The following TIMP3 variants were observed in gnomAD, a reference collection of about 807,000 sequenced individuals.
The protein encoded by TIMP3 is TIMP metallopeptidase inhibitor 3.
In TIMP3, 11 loss-of-function variants were observed where a neutral mutation model predicts 30.0. The observed-to-expected ratio is 0.37, with a 90% CI of 0.23 to 0.61. The LOEUF (loss-of-function observed/expected upper bound fraction) is 0.61, where lower values mean the gene tolerates loss of function less well. Ranked by LOEUF, TIMP3 falls within the 20% of genes least tolerant of loss-of-function variation. The pLI, the probability that TIMP3 is intolerant of heterozygous loss-of-function variation, is 0.70. For synonymous variants in TIMP3, 112 were observed against 111.3 expected, an observed-to-expected ratio of 1.01 and a Z score of -0.04; for missense variants, 181 against 276.8, an observed-to-expected ratio of 0.65 and a Z score of 2.45.
At chr22:32,808,846 G>A (rs1380556531) in intron 1 of TIMP3, among the ~76,000 whole-genome samples, 1 of 152,218 alleles carries the variant, frequency 6.6e-6, no homozygotes, top group Non-Finnish European at 1.5e-5. Flanking sequence ...GAAACTCCCA[G>A]AGGGGATCAT....
At chr22:32,821,568 T>A (rs554266798) in intron 1 of TIMP3, among the ~76,000 whole-genome samples, 1 of 152,214 alleles carries the variant, frequency 6.6e-6, no homozygotes, top group Non-Finnish European at 1.5e-5. Context: ...GTCTTCAGGC[T>A]GGTTCTGAAA....
chr22:32,832,611 G>C (rs1156237886), intron 1 of TIMP3, among the ~76,000 whole-genome samples: 2 of 150,762 alleles, frequency 1.3e-5, no homozygotes, highest in Non-Finnish European at 2.9e-5. Context: ...AGTAGAGTAC[G>C]TAGAGTTATT....
intron 1 of TIMP3, among the ~76,000 whole-genome samples, chr22:32,826,243 A>G (rs1027390620): frequency 6.6e-6 from 1 of 152,154 alleles, no homozygotes; most frequent in Non-Finnish European, 1.5e-5. Context: ...AGGCTGGTCA[A>G]CATGGTGAAA....
At chr22:32,802,841 T>TTGAATGTG (rs1317316763) in intron 1 of TIMP3, among the ~76,000 whole-genome samples, 6 of 152,118 alleles carry the variant, frequency 3.9e-5, no homozygotes, top group Non-Finnish European at 8.8e-5. Context: ...TTTTTCCCCC[T>TTGAATGTG]TGAATGTGTG....
chr22:32,820,242 C>CTG (rs3054173), intron 1 of TIMP3, among the ~76,000 whole-genome samples: 43,108 of 148,806 alleles, frequency 0.29, 6,267 homozygotes, highest in Middle Eastern at 0.35. Flanking sequence ...CCTTTCTCCC[C>CTG]TGTGTGTGTG....
chr22:32,807,371 TA>T (rs1224530552), intron 1 of TIMP3, among the ~76,000 whole-genome samples: 1 of 111,230 alleles, frequency 9.0e-6, no homozygotes, highest in Non-Finnish European at 1.7e-5. Flanking sequence ...TAATATATAT[TA>T]TATATAATAT....
rs56070943 is a variant in TIMP3 at position 32,835,829 on chromosome 22, T to C, written c.122-13623T>C. On this transcript the variant is annotated intron_variant, in intron 1 of 4. Transcript: ENST00000266085. Reference sequence around the variant, plus strand: ...AGAGCCCTGGGGCCCACCCAGCTTGTAAGTGGAGATTTGAATCCAGACTTC... The same window carrying C: ...AGAGCCCTGGGGCCCACCCAGCTTGCAAGTGGAGATTTGAATCCAGACTTC... Among the ~76,000 whole-genome samples, 552 of 152,290 alleles carry C rather than the reference T, an allele frequency of 3.6e-3. 4 individuals carry two copies. The highest frequency in any genetic ancestry group is 9.1e-3 in the South Asian group (44 of 4,818).
chr22:32,812,072 C>T (rs1185294867), intron 1 of TIMP3, among the ~76,000 whole-genome samples: 1 of 152,102 alleles, frequency 6.6e-6, no homozygotes, highest in East Asian at 1.9e-4. Context: ...TCTGGAGTCC[C>T]CTTGGTGATA....
chr22:32,810,824 T>G (rs1276971969), intron 1 of TIMP3, among the ~76,000 whole-genome samples: 1 of 152,184 alleles, frequency 6.6e-6, no homozygotes, highest in African/African-American at 2.4e-5. Context: ...TGTTTGCATC[T>G]CATGTATTTA....
intron 1 of TIMP3, chr22:32,833,867 T>C: frequency 2.0e-6 from 1 of 500,428 alleles, no homozygotes. Flanking sequence ...GGAAAGTGCC[T>C]GATAGCTGAT....
At chr22:32,858,245 G>T (rs1184509591) in intron 4 of TIMP3, 107 bp downstream of exon 4, 4 of 1,514,808 alleles carry the variant, frequency 2.6e-6, no homozygotes, top group Non-Finnish European at 3.6e-6. Flanking sequence ...GGAAGGGTAT[G>T]CATGTGTTAG....
intron 2 of TIMP3, among the ~76,000 whole-genome samples, chr22:32,856,999 T>C (rs569707947): frequency 6.6e-6 from 1 of 152,368 alleles, no homozygotes; most frequent in South Asian, 2.1e-4. Context: ...TTCATTCTTT[T>C]TTCTGGATGA....
intron 1 of TIMP3, among the ~76,000 whole-genome samples, chr22:32,839,848 C>G (rs2047842563): frequency 6.6e-6 from 1 of 152,092 alleles, no homozygotes; most frequent in Non-Finnish European, 1.5e-5. Context: ...CTTCCTAAGC[C>G]TGTGTTTCCT....
At chr22:32,845,341 C>A (rs572393656) in intron 1 of TIMP3, among the ~76,000 whole-genome samples, 1 of 152,154 alleles carries the variant, frequency 6.6e-6, no homozygotes, top group African/African-American at 2.4e-5. Context: ...GGACTACAGG[C>A]GGCCCCATGC....
Position 32,837,658 on chromosome 22 carries a change from G to A in TIMP3, c.122-11794G>A, listed in dbSNP as rs1449877121. On this transcript the variant is annotated intron_variant, in intron 1 of 4. Transcript: ENST00000266085. The surrounding 1 kb of genome is among the most constrained non-coding windows in gnomAD (Gnocchi z 4.1). ...GTTTCTAGGGGTTTCTTGGGGCTTC[G>A]GGGGCCTCCTGTCAATGGACTGTTT... 3.9e-5 allele frequency among the ~76,000 whole-genome samples: 6 copies of A among 152,050 alleles called. No homozygotes were observed. Among genetic ancestry groups the A allele is most frequent in the Non-Finnish European group, 8.8e-5 (6 of 68,016 alleles).
At chr22:32,819,438 A>G (rs1224299255) in intron 1 of TIMP3, among the ~76,000 whole-genome samples, 1 of 152,158 alleles carries the variant, frequency 6.6e-6, no homozygotes, top group Non-Finnish European at 1.5e-5. Context: ...TTTTTTCTCA[A>G]CCACCAGCCA....
chr22:32,831,173 G>T (rs1048463780), intron 1 of TIMP3, among the ~76,000 whole-genome samples: 3 of 152,160 alleles, frequency 2.0e-5, no homozygotes, highest in Non-Finnish European at 4.4e-5. Context: ...CTTCAGGAGG[G>T]TGTGGGAGCC....
intron 1 of TIMP3, among the ~76,000 whole-genome samples, chr22:32,821,633 G>A (rs1301008298): frequency 6.6e-6 from 1 of 152,230 alleles, no homozygotes; most frequent in Non-Finnish European, 1.5e-5. Flanking sequence ...ATGGAAGAGC[G>A]GAGGCCCAGA....
chr22:32,827,406 T>C (rs1010188259), intron 1 of TIMP3, among the ~76,000 whole-genome samples: 6 of 152,204 alleles, frequency 3.9e-5, no homozygotes, highest in Non-Finnish European at 1.5e-5. Flanking sequence ...AGGAACACAG[T>C]TCCAAATACC....
Sources: allele counts gnomAD v4.1 joint callset (sites outside exome capture counted in the v4.1 genomes callset), GRCh38; gene constraint gnomAD v4.1.1; non-coding constraint Gnocchi (gnomAD v3.1); transcripts MANE v1.5; gene names NCBI Gene and HGNC (gene_info 2026-07-23, HGNC 2026-07-21).